The following RNF157 variants were observed in gnomAD, a reference collection of about 807,000 sequenced individuals.
RNF157 encodes E3 ubiquitin ligase RNF157.
RNF157 carries 55 observed loss-of-function variants against 88.3 expected under a neutral mutation model. The ratio of observed to expected loss-of-function variants is 0.62; its 90% confidence interval spans 0.50 to 0.78. The LOEUF (loss-of-function observed/expected upper bound fraction) is 0.78. Among genes scored for constraint, RNF157 ranks in the 30% least tolerant of loss-of-function variants. The pLI is 0.00. For synonymous variants in RNF157, 334 were observed against 341.2 expected (o/e 0.98, Z 0.23); for missense variants, 788 against 860.8 (o/e 0.92, Z 1.06).
chr17:76,151,151 G>T (rs1344659573), intron 18 of RNF157, among the ~76,000 whole-genome samples: 1 of 152,214 alleles, frequency 6.6e-6, no homozygotes, highest in African/African-American at 2.4e-5. Flanking sequence ...GCAGGAAGGG[G>T]GTCTTCCCTG....
Position 76,202,111 on chromosome 17 carries a change from TTC to T in RNF157, c.207+10251_207+10252del, listed in dbSNP as rs374396479. Among the ~76,000 whole-genome samples, 1,145 of 133,950 alleles carry T rather than the reference TTC, an allele frequency of 8.5e-3. 14 individuals are homozygous for T. The highest frequency in any genetic ancestry group is 0.026 in the Middle Eastern group (7 of 272). 87.9% of individuals were successfully genotyped at this position (133,950 alleles called of 152,430 possible). The stretch of plus-strand genomic sequence containing the variant: ...AAAAGGCAAATAACCCAATCTCAGT[TTC>T]TCTCTCTCTCTCTCTCACACACACA... On this transcript the variant is annotated intron_variant, in intron 2 of 18. Coordinates refer to ENST00000269391, the MANE Select transcript of RNF157 (RefSeq NM_052916.3).
intron 1 of RNF157, among the ~76,000 whole-genome samples, chr17:76,235,367 T>C (rs1290261329): frequency 6.6e-6 from 1 of 152,096 alleles, no homozygotes; most frequent in Non-Finnish European, 1.5e-5. Flanking sequence ...CTGGCTAATT[T>C]TTTTGTATTT....
intron 16 of RNF157, 152 bp from the exon 17 acceptor site, chr17:76,154,480 C>G (rs953899033): frequency 6.1e-6 from 4 of 660,324 alleles, no homozygotes; most frequent in Admixed American, 4.9e-5. Flanking sequence ...GCCTCAGAGG[C>G]TGAGTAGAGG....
intron 2 of RNF157, among the ~76,000 whole-genome samples, chr17:76,185,698 T>C (rs2069274675): frequency 6.6e-6 from 1 of 152,038 alleles, no homozygotes; most frequent in African/African-American, 2.4e-5. Flanking sequence ...CTCGATCTCC[T>C]GACCTCGTGA....
chr17:76,178,308 C>T (rs2069136576), intron 2 of RNF157, among the ~76,000 whole-genome samples: 1 of 152,194 alleles, frequency 6.6e-6, no homozygotes, highest in South Asian at 2.1e-4. Flanking sequence ...TGGTGCCAAC[C>T]GGGAGAGCTG....
At chr17:76,183,215 G>C (rs1178487605) in intron 2 of RNF157, among the ~76,000 whole-genome samples, 1 of 149,464 alleles carries the variant, frequency 6.7e-6, no homozygotes, top group Admixed American at 6.6e-5. Context: ...GGGATTCCAG[G>C]TGTGAGCCAC....
At chr17:76,237,453 T>C (rs1006454693) in intron 1 of RNF157, among the ~76,000 whole-genome samples, 1 of 152,222 alleles carries the variant, frequency 6.6e-6, no homozygotes. Context: ...CCACTGTTAG[T>C]ACTCAGGATA....
chr17:76,227,109 CT>C (rs566280985), intron 1 of RNF157, among the ~76,000 whole-genome samples: 2 of 150,056 alleles, frequency 1.3e-5, no homozygotes, highest in South Asian at 2.1e-4. Context: ...TTAATAACCT[CT>C]TTTTTTGTTT....
At chr17:76,155,800 G>T in intron 14 of RNF157, 66 bp from the exon 15 acceptor site, 1 of 1,339,968 alleles carries the variant, frequency 7.5e-7, no homozygotes, top group Non-Finnish European at 1.0e-6. Context: ...GCTTTCTGGG[G>T]AGCAGAGCCC....
chr17:76,181,968 C>CCATT (rs1043942183), intron 2 of RNF157, among the ~76,000 whole-genome samples: 13 of 151,678 alleles, frequency 8.6e-5, no homozygotes, highest in Non-Finnish European at 5.9e-5. Context: ...AGACATTTAC[C>CCATT]CATTCATTCA....
At chr17:76,150,295 C>T (rs1598383132) in intron 18 of RNF157, among the ~76,000 whole-genome samples, 1 of 152,110 alleles carries the variant, frequency 6.6e-6, no homozygotes, top group African/African-American at 2.4e-5. Context: ...AAACTGTGAG[C>T]CCACCATAAT....
intron 1 of RNF157, among the ~76,000 whole-genome samples, chr17:76,238,132 G>A (rs1343878619): frequency 6.6e-6 from 1 of 151,830 alleles, no homozygotes; most frequent in South Asian, 2.1e-4. Context: ...TGGTGGTCAT[G>A]GCCAAACTCT....
At chr17:76,182,756 G>A (rs1252170840) in intron 2 of RNF157, among the ~76,000 whole-genome samples, 1 of 73,558 alleles carries the variant, frequency 1.4e-5, no homozygotes, top group African/African-American at 8.4e-5. Flanking sequence ...TTCAGGCCTC[G>A]TCTCATATAT....
At chr17:76,150,346 A>G (rs562374154) in intron 18 of RNF157, among the ~76,000 whole-genome samples, 1 of 152,236 alleles carries the variant, frequency 6.6e-6, no homozygotes, top group Admixed American at 6.5e-5. Flanking sequence ...AGGGAACCCC[A>G]GGGCTTCTCT....
chr17:76,162,737 G>GA (rs936440438), intron 8 of RNF157, 114 bp from the exon 9 acceptor site: 20 of 603,720 alleles, frequency 3.3e-5, no homozygotes, highest in South Asian at 1.4e-4. Flanking sequence ...TTCATAATGA[G>GA]AAAAAAAATC....
At chr17:76,225,740 C>T in intron 1 of RNF157, 1 of 1,521,560 alleles carries the variant, frequency 6.6e-7, no homozygotes, top group Admixed American at 2.3e-5. Flanking sequence ...ACACTCCTGA[C>T]CTACCCTCAA....
intron 2 of RNF157, 96 bp from the exon 3 acceptor site, chr17:76,173,886 A>G: frequency 1.1e-6 from 1 of 950,912 alleles, no homozygotes; most frequent in Non-Finnish European, 1.6e-6. Context: ...CTAAGAGGTG[A>G]GGCAGGAAGG....
chr17:76,216,757 G>A (rs1412842167), intron 1 of RNF157, among the ~76,000 whole-genome samples: 1 of 151,924 alleles, frequency 6.6e-6, no homozygotes, highest in Non-Finnish European at 1.5e-5. Flanking sequence ...TGGGTATGAT[G>A]GCCCAAGCCT....
At chr17:76,190,365 C>A (rs1025684989) in intron 2 of RNF157, among the ~76,000 whole-genome samples, 1 of 151,972 alleles carries the variant, frequency 6.6e-6, no homozygotes, top group Non-Finnish European at 1.5e-5. Flanking sequence ...CGGAGTTTCG[C>A]CATGTTGGCC....
Sources: allele counts gnomAD v4.1 joint callset (sites outside exome capture counted in the v4.1 genomes callset), GRCh38; gene constraint gnomAD v4.1.1; transcripts MANE v1.5; gene names NCBI Gene and HGNC (gene_info 2026-07-23, HGNC 2026-07-21).